AGO2: variants seen among roughly 807,000 people sequenced by gnomAD.
AGO2 encodes protein argonaute-2.
A neutral mutation model predicts 102.3 loss-of-function variants in AGO2; 5 were observed. That is an observed-to-expected ratio of 0.05 (90% CI 0.03 to 0.10). AGO2 has a LOEUF of 0.10. AGO2 is among the 10% of genes least tolerant of loss of function. AGO2 has a pLI of 1.00. For synonymous variants in AGO2, 449 were observed against 473.1 expected (o/e 0.95, Z 0.66); for missense variants, 541 against 1,183.7 (o/e 0.46, Z 7.97).
At chr8:140,566,182 A>G (rs894079619) in intron 3 of AGO2, among the ~76,000 whole-genome samples, 2 of 152,198 alleles carry the variant, frequency 1.3e-5, no homozygotes, top group African/African-American at 4.8e-5. Context: ...AGGTGACTGA[A>G]TCATGGGGGC....
Position 140,529,825 on chromosome 8 carries a change from C to T in AGO2, c.*2219G>A, listed in dbSNP as rs2072559932. 1 of 152,220 alleles carries T rather than the reference C, an allele frequency of 6.6e-6. No homozygotes were observed. Among genetic ancestry groups the T allele is most frequent in the Admixed American group, 6.5e-5 (1 of 15,288 alleles). 9.4% of individuals were successfully genotyped at this position (152,220 alleles called of 1,614,324 possible). A position where few individuals can be genotyped will look rare whatever the true frequency, so the allele number is the denominator to read the frequency against. On this transcript the variant is annotated 3_prime_UTR_variant, in exon 19 of 19. Coordinates refer to ENST00000220592, the MANE Select transcript of AGO2 (RefSeq NM_012154.5). ...TGCATGTTAAACAAGAACCGCCATC[C>T]CCCAGACAGCCTGACGCAGGTGGAA... is the stretch of plus-strand genomic sequence containing the variant.
intron 1 of AGO2, among the ~76,000 whole-genome samples, chr8:140,603,192 G>A (rs1240732543): frequency 1.3e-5 from 2 of 152,158 alleles, no homozygotes; most frequent in African/African-American, 4.8e-5. Context: ...GGTCTAATCT[G>A]GCCCTGTGGA....
At chr8:140,532,312 T>A (rs936383326) in intron 18 of AGO2, 104 bp downstream of exon 18, 56 of 1,450,588 alleles carry the variant, frequency 3.9e-5, no homozygotes, top group Non-Finnish European at 5.1e-5. Context: ...GGGTGCCGGC[T>A]CCAGCCGCTG....
At chr8:140,629,141 T>C (rs1160520540) in intron 1 of AGO2, among the ~76,000 whole-genome samples, 1 of 151,972 alleles carries the variant, frequency 6.6e-6, no homozygotes, top group Non-Finnish European at 1.5e-5. Context: ...AAACTAATAA[T>C]AAACGCGCGA....
chr8:140,605,895 A>G (rs2073992341), intron 1 of AGO2: 1 of 152,250 alleles, frequency 6.6e-6, no homozygotes, highest in South Asian at 2.1e-4. Context: ...AGCTTAGCAA[A>G]TGGACAAGTC....
At chr8:140,630,981 G>A (rs1285452070) in intron 1 of AGO2, among the ~76,000 whole-genome samples, 5 of 152,156 alleles carry the variant, frequency 3.3e-5, no homozygotes. Flanking sequence ...TTGTGCCCAG[G>A]AGTTTGAGGC....
rs1184318356 is a variant in AGO2 at position 140,540,987 on chromosome 8, C to T, written c.2034+177G>A. ...GCCTCAGTGTCATGTGTTAGGGTCT[C>T]GACAGCCCCGTGTCCCATCTCCTCC... is the stretch of plus-strand genomic sequence containing the variant. On this transcript the variant is annotated intron_variant, in intron 15 of 18. Transcript: ENST00000220592. The surrounding 1 kb of genome is among the most constrained non-coding windows in gnomAD (Gnocchi z 5.0). Among the ~76,000 whole-genome samples, 2 of 152,006 alleles carry T rather than the reference C, an allele frequency of 1.3e-5. No individual in the cohort carries two copies. The highest frequency in any genetic ancestry group is 2.9e-5 in the Non-Finnish European group (2 of 68,004).
At chr8:140,568,510 C>A (rs550860949) in intron 3 of AGO2, among the ~76,000 whole-genome samples, 3 of 152,246 alleles carry the variant, frequency 2.0e-5, no homozygotes, top group African/African-American at 7.2e-5. Context: ...GACGGGGCCT[C>A]CCTGGGGCGG....
chr8:140,619,497 G>T (rs150931356), intron 1 of AGO2, among the ~76,000 whole-genome samples: 2,192 of 152,310 alleles, frequency 0.014, 30 homozygotes, highest in Middle Eastern at 0.02. Context: ...CAGACCTGGC[G>T]CCAGGGACCG....
rs1406926983 is a variant in AGO2, at chr8:140,557,649, C to T, written c.879-413G>A. The stretch of plus-strand genomic sequence containing the variant: ...GACAGGACGAGGAAAGCAGGCCAGG[C>T]CGGTTCCGGCCGCACGGTGACGGCA... On this transcript the variant is annotated intron_variant, in intron 7 of 18. Transcript: ENST00000220592. This position sits in a 1 kb window ranked among gnomAD's most constrained non-coding sequence, Gnocchi z 5.9. 6.6e-6 allele frequency among the ~76,000 whole-genome samples: 1 copy of T among 152,234 alleles called. No homozygotes were observed. Among genetic ancestry groups the T allele is most frequent in the African/African-American group, 2.4e-5 (1 of 41,464 alleles).
chr8:140,535,011 T>G (rs892924463), intron 17 of AGO2, among the ~76,000 whole-genome samples: 1 of 152,246 alleles, frequency 6.6e-6, no homozygotes, highest in African/African-American at 2.4e-5. Context: ...GGCTGGAGCC[T>G]GGCCCTGGCC....
At chr8:140,579,228 G>GA (rs368237185) in intron 2 of AGO2, among the ~76,000 whole-genome samples, 1,422 of 134,118 alleles carry the variant, frequency 0.011, 22 homozygotes, top group African/African-American at 0.036. Context: ...GTTTCAAAAA[G>GA]AAAAAAAAAA....
chr8:140,554,291 A>T lies in AGO2; in HGVS notation c.1269+1605T>A, dbSNP rs555880784. Among the ~76,000 whole-genome samples, 10 of 152,242 alleles carry T rather than the reference A, an allele frequency of 6.6e-5. No individual in the cohort carries two copies. The South Asian group carries it at 2.1e-3, about 32-fold the overall frequency. On this transcript the variant is annotated intron_variant, in intron 10 of 18. Transcript: ENST00000220592. ...ACAGCATCTGGGGCCTCGGGGGACA[A>T]GCGAGCCAAGGAGGGGCTGAAGGGC...
At chr8:140,581,855 G>A (rs913051179) in intron 2 of AGO2, among the ~76,000 whole-genome samples, 3 of 152,180 alleles carry the variant, frequency 2.0e-5, no homozygotes, top group African/African-American at 7.2e-5. Flanking sequence ...TGAGAACTAA[G>A]TCCCCAGACA....
intron 16 of AGO2, among the ~76,000 whole-genome samples, chr8:140,537,234 T>C (rs1367862429): frequency 6.6e-6 from 1 of 152,222 alleles, no homozygotes; most frequent in Non-Finnish European, 1.5e-5. Flanking sequence ...CCCTTCCGTG[T>C]GAACTCAGCT....
At chr8:140,537,447 G>A (rs1438127507) in intron 16 of AGO2, among the ~76,000 whole-genome samples, 5 of 151,934 alleles carry the variant, frequency 3.3e-5, no homozygotes, top group Non-Finnish European at 5.9e-5. Flanking sequence ...GACCATAGGC[G>A]TATGCTACCA....
intron 1 of AGO2, among the ~76,000 whole-genome samples, chr8:140,588,799 A>C (rs560937328): frequency 4.6e-5 from 7 of 152,148 alleles, no homozygotes; most frequent in Admixed American, 1.3e-4. Flanking sequence ...GGCCCTCTGC[A>C]CTTAAGGCCA....
At chr8:140,601,337 G>A (rs1048917810) in intron 1 of AGO2, among the ~76,000 whole-genome samples, 2 of 152,100 alleles carry the variant, frequency 1.3e-5, no homozygotes, top group Non-Finnish European at 2.9e-5. Context: ...TGTTAAAAAC[G>A]GTGCATGCCC....
intron 2 of AGO2, among the ~76,000 whole-genome samples, chr8:140,584,147 A>C (rs1422126494): frequency 1.3e-5 from 2 of 152,028 alleles, no homozygotes; most frequent in East Asian, 1.9e-4. Context: ...AAAAAAAAAA[A>C]AAAAAACAAA....
Sources: gnomAD v4.1 joint callset for allele counts (sites outside exome capture counted in the v4.1 genomes callset) on GRCh38, gnomAD v4.1.1 for gene constraint, Gnocchi (gnomAD v3.1) non-coding constraint, MANE v1.5 for transcripts, NCBI Gene and HGNC (gene_info 2026-07-23, HGNC 2026-07-21) for gene names.